Variants in RIC8B observed in about 807,000 individuals in gnomAD.
The protein encoded by RIC8B is chaperone Ric-8B.
RIC8B carries 16 observed loss-of-function variants against 57.5 expected under a neutral mutation model. That is an observed-to-expected ratio of 0.28 (90% CI 0.19 to 0.42). The LOEUF is 0.42. Ranked by LOEUF, RIC8B falls within the 10% of genes least tolerant of loss-of-function variation. The pLI is 1.00. For missense variants in RIC8B, 481 were observed against 677.0 expected (o/e 0.71, Z 3.21); for synonymous variants, 216 against 250.8 (o/e 0.86, Z 1.31).
chr12:106,813,138 T>G (rs2045410807), intron 2 of RIC8B, among the ~76,000 whole-genome samples: 1 of 152,002 alleles, frequency 6.6e-6, no homozygotes, highest in African/African-American at 2.4e-5. Flanking sequence ...TCTAGTGATG[T>G]CTTCAAGTAT....
At chr12:106,868,723 A>G (rs1200464808) in intron 8 of RIC8B, among the ~76,000 whole-genome samples, 1 of 150,638 alleles carries the variant, frequency 6.6e-6, no homozygotes, top group Non-Finnish European at 1.5e-5. Flanking sequence ...CACCTGATAA[A>G]AGAGGAAATA....
chr12:106,861,490 C>T (rs1401250868), intron 8 of RIC8B, among the ~76,000 whole-genome samples: 1 of 151,938 alleles, frequency 6.6e-6, no homozygotes, highest in Non-Finnish European at 1.5e-5. Flanking sequence ...ATCCCCAATG[C>T]CATCAGCCTT....
At chr12:106,882,141 C>CT in intron 9 of RIC8B, among the ~76,000 whole-genome samples, 1 of 152,172 alleles carries the variant, frequency 6.6e-6, no homozygotes, top group Non-Finnish European at 1.5e-5. Flanking sequence ...CACTTAATCC[C>CT]TAACTAGCAT....
At chr12:106,791,415 C>G (rs1438774309) in intron 2 of RIC8B, among the ~76,000 whole-genome samples, 4 of 152,004 alleles carry the variant, frequency 2.6e-5, no homozygotes, top group African/African-American at 7.2e-5. Flanking sequence ...AAGCGAAGGA[C>G]TAATATTTCT....
In RIC8B at chr12:106,867,496, T is replaced by TAA; in HGVS notation, c.1452-3326_1452-3325dup. Among the ~76,000 whole-genome samples the TAA allele has an allele frequency of 6.6e-6, 1 of 152,292 alleles. No homozygotes were observed. Among genetic ancestry groups the TAA allele is most frequent in the South Asian group, 2.1e-4 (1 of 4,822 alleles). Reference sequence around the variant, plus strand: ...TCCAAGTTTTGGAATGAAATAAAACTAACTCCAGAATTTCATAGCGTTAAG... The same window carrying TAA: ...TCCAAGTTTTGGAATGAAATAAAACTAAAACTCCAGAATTTCATAGCGTTAAG... On this transcript the variant is annotated intron_variant, in intron 8 of 9. Coordinates refer to ENST00000392837, the MANE Select transcript of RIC8B (RefSeq NM_001330145.2). The surrounding 1 kb of genome is among the most constrained non-coding windows in gnomAD (Gnocchi z 4.3).
At chr12:106,870,546 T>G in intron 8 of RIC8B, among the ~76,000 whole-genome samples, 1 of 152,078 alleles carries the variant, frequency 6.6e-6, no homozygotes, top group East Asian at 1.9e-4. Context: ...CTAATCAAAT[T>G]TTGTATTTTT....
At chr12:106,780,348 C>T (rs1341193397) in intron 1 of RIC8B, among the ~76,000 whole-genome samples, 3 of 152,110 alleles carry the variant, frequency 2.0e-5, no homozygotes, top group African/African-American at 7.2e-5. Context: ...AAGATACAGA[C>T]AGATAGGTAG....
At chr12:106,776,753 T>A (rs2043515157) in intron 1 of RIC8B, among the ~76,000 whole-genome samples, 1 of 152,204 alleles carries the variant, frequency 6.6e-6, no homozygotes, top group Non-Finnish European at 1.5e-5. Context: ...TGGTGTGTCT[T>A]GCTTAAGGTG....
intron 8 of RIC8B, among the ~76,000 whole-genome samples, chr12:106,865,082 T>A (rs1231035945): frequency 6.6e-6 from 1 of 152,198 alleles, no homozygotes; most frequent in Non-Finnish European, 1.5e-5. Context: ...TGTCTACCGA[T>A]ATCTGTCAAG....
At chr12:106,789,938 A>C (rs548996641) in intron 2 of RIC8B, among the ~76,000 whole-genome samples, 2 of 152,160 alleles carry the variant, frequency 1.3e-5, no homozygotes, top group Non-Finnish European at 1.5e-5. Flanking sequence ...TCAAAAAAAA[A>C]AAAACTTGAT....
intron 2 of RIC8B, among the ~76,000 whole-genome samples, chr12:106,786,888 C>T (rs1315596243): frequency 6.6e-6 from 1 of 151,988 alleles, no homozygotes; most frequent in African/African-American, 2.4e-5. Context: ...TATTTAATTT[C>T]ATTGGAAGAT....
intron 7 of RIC8B, among the ~76,000 whole-genome samples, chr12:106,859,858 A>G (rs1949856444): frequency 6.6e-6 from 1 of 152,032 alleles, no homozygotes; most frequent in South Asian, 2.1e-4. Context: ...TGAGAGAGAG[A>G]TTTTACATTA....
At chr12:106,823,284 TATGCAAAGGAACCAGCG>T in intron 3 of RIC8B, 1 of 297,276 alleles carries the variant, frequency 3.4e-6, no homozygotes, top group South Asian at 3.2e-5. Flanking sequence ...AAACCTGGAG[TATGCAAAGGAACCAGCG>T]ATGCAAAGAG....
Position 106,814,746 on chromosome 12 carries a change from A to G in RIC8B, c.183A>G (p.Thr61=), listed in dbSNP as rs760716792. 6 of 1,613,618 alleles carry G rather than the reference A, an allele frequency of 3.7e-6. No homozygotes were observed. Among genetic ancestry groups the G allele is most frequent in the Non-Finnish European group, 4.2e-6 (5 of 1,179,732 alleles). The change falls in exon 3 of 10, where the codon ACA becomes ACG. Residue 61 remains threonine, a synonymous_variant. Coordinates refer to ENST00000392837, the MANE Select transcript of RIC8B (RefSeq NM_001330145.2). ...FKVLIKDIPT[T]CQVSCLEVLR... is the part of the protein sequence containing the mutation. The stretch of plus-strand genomic sequence containing the variant: ...TCCTTATAAAGGACATCCCAACAAC[A>G]TGTCAAGTGTCCTGCCTGGAAGTAC...
At chr12:106,866,039 C>T (rs1950124348) in intron 8 of RIC8B, among the ~76,000 whole-genome samples, 1 of 152,216 alleles carries the variant, frequency 6.6e-6, no homozygotes, top group Non-Finnish European at 1.5e-5. Flanking sequence ...CCTGCCTTTA[C>T]CACTCCATAT....
At chr12:106,825,867 G>A in intron 4 of RIC8B, 47 bp downstream of exon 4, 1 of 1,332,214 alleles carries the variant, frequency 7.5e-7, no homozygotes, top group Middle Eastern at 1.8e-4. Flanking sequence ...ATCATCAGTT[G>A]TTCTTGGTTT....
In RIC8B at chr12:106,867,257, C is replaced by G. The variant is rs989781677; in HGVS notation, c.1452-3566C>G. Among the ~76,000 whole-genome samples the G allele has an allele frequency of 6.6e-6, 1 of 152,156 alleles. No homozygotes were observed. Among genetic ancestry groups the G allele is most frequent in the Non-Finnish European group, 1.5e-5 (1 of 68,032 alleles). On this transcript the variant is annotated intron_variant, in intron 8 of 9. Coordinates refer to ENST00000392837, the MANE Select transcript of RIC8B (RefSeq NM_001330145.2). This position sits in a 1 kb window ranked among gnomAD's most constrained non-coding sequence, Gnocchi z 4.3. ...AATCCTTTTGTCTCCAGGCCCATAGCTGTTGTCAGTTCATATAATAGTCTT... is the reference window on the plus strand; with the variant it reads ...AATCCTTTTGTCTCCAGGCCCATAGGTGTTGTCAGTTCATATAATAGTCTT...
At chr12:106,864,751 T>C (rs560788495) in intron 8 of RIC8B, among the ~76,000 whole-genome samples, 23 of 152,168 alleles carry the variant, frequency 1.5e-4, no homozygotes, top group Non-Finnish European at 3.2e-4. Context: ...TAAGTACATT[T>C]ACACTGTTAT....
intron 9 of RIC8B, among the ~76,000 whole-genome samples, chr12:106,873,583 T>G (rs1950538867): frequency 6.6e-6 from 1 of 152,160 alleles, no homozygotes; most frequent in Admixed American, 6.5e-5. Context: ...CAGGGAACAT[T>G]TACTAAGCAG....
Sources: allele counts gnomAD v4.1 joint callset (sites outside exome capture counted in the v4.1 genomes callset), GRCh38; gene constraint gnomAD v4.1.1; non-coding constraint Gnocchi (gnomAD v3.1); transcripts MANE v1.5; gene names NCBI Gene and HGNC (gene_info 2026-07-23, HGNC 2026-07-21).